The following EPHA4 variants were observed in gnomAD, a reference collection of about 807,000 sequenced individuals.
The protein encoded by EPHA4 is EPH receptor A4.
EPHA4 carries 19 observed loss-of-function variants against 108.3 expected under a neutral mutation model. That is an observed-to-expected ratio of 0.18 (90% CI 0.12 to 0.26). The LOEUF (loss-of-function observed/expected upper bound fraction) is 0.26. Among genes scored for constraint, EPHA4 ranks in the 10% least tolerant of loss-of-function variants. The probability of loss-of-function intolerance (pLI) is 1.00; values close to 1 mark genes in which losing one functional copy is unlikely to be tolerated. For missense variants in EPHA4, 917 were observed against 1,254.0 expected (o/e 0.73, Z 4.06); for synonymous variants, 449 against 455.5 (o/e 0.99, Z 0.18).
intron 3 of EPHA4, among the ~76,000 whole-genome samples, chr2:221,513,680 A>T (rs981488086): frequency 6.6e-6 from 1 of 152,202 alleles, no homozygotes; most frequent in African/African-American, 2.4e-5. Flanking sequence ...ATTTTCTGAA[A>T]GTTTTTGAGC....
At chr2:221,452,203 A>T (rs1690808122) in intron 8 of EPHA4, among the ~76,000 whole-genome samples, 1 of 152,228 alleles carries the variant, frequency 6.6e-6, no homozygotes, top group African/African-American at 2.4e-5. Context: ...CCCATAAGGG[A>T]TCTATCTGTA....
At chr2:221,436,200 G>T (rs891398575) in intron 13 of EPHA4, among the ~76,000 whole-genome samples, 199 bp downstream of exon 13, 11 of 152,072 alleles carry the variant, frequency 7.2e-5, no homozygotes, top group Non-Finnish European at 1.2e-4. Context: ...CTGTTAATAT[G>T]GTCATACATC....
intron 8 of EPHA4, among the ~76,000 whole-genome samples, chr2:221,455,346 G>A (rs3815970): frequency 0.38 from 57,841 of 151,662 alleles, 13,169 homozygotes; most frequent in South Asian, 0.55. Context: ...GGGTCCTTCC[G>A]GACCTCTCAG....
rs1374756921 is a variant in EPHA4 at position 221,482,510 on chromosome 2, G to T, written c.1160C>A (p.Thr387Asn). ...GGTCTTCAAGCCATTCTGCTGTGGG[G>T]TGTAGTGGACCCCACTTCCACAGGG... ...CRPCGSGVHY[T>N]PQQNGLKTTK... The change falls in exon 5 of 18, where the codon ACC (threonine) becomes AAC (asparagine). Residue 387 changes from threonine (T) to asparagine (N), a missense_variant. This residue lies in a region of EPHA4 where 758 missense variants were observed against 1,076.7 expected (regional missense o/e 0.70). Transcript: ENST00000281821. 4 of 1,613,976 alleles carry T rather than the reference G, an allele frequency of 2.5e-6. No homozygotes were observed. The African/African-American group carries it at 5.3e-5, about 22-fold the overall frequency.
intron 5 of EPHA4, among the ~76,000 whole-genome samples, chr2:221,461,153 C>T (rs941124224): frequency 6.6e-5 from 10 of 152,158 alleles, no homozygotes; most frequent in African/African-American, 2.4e-4. Context: ...CCTTGGAGTA[C>T]TCAGAATTAC....
chr2:221,546,947 A>C (rs1026514913), intron 3 of EPHA4, among the ~76,000 whole-genome samples: 3 of 152,224 alleles, frequency 2.0e-5, no homozygotes, highest in Admixed American at 2.0e-4. Flanking sequence ...AGGCTAAAAA[A>C]ATAAAAGGGG....
rs769949889 is a variant in EPHA4 at position 221,564,228 on chromosome 2, T to C, written c.326A>G (p.Asn109Ser). The change falls in exon 3 of 18, where the codon AAT (asparagine) becomes AGT (serine). Residue 109 changes from asparagine to serine, a missense_variant. Physicochemically the swap from Asn to Ser is conservative, Grantham distance 46 (BLOSUM62 1). This residue lies in a region of EPHA4 where 758 missense variants were observed against 1,076.7 expected (regional missense o/e 0.70). Coordinates refer to ENST00000281821, the MANE Select transcript of EPHA4 (RefSeq NM_004438.5). ...AGTCCCCATGACGCCCGGAAGACTATTGCAGTCCCTCAAGGTGAATTTAAT... is the reference window on the plus strand; with the variant it reads ...AGTCCCCATGACGCCCGGAAGACTACTGCAGTCCCTCAAGGTGAATTTAAT... The part of the protein sequence containing the change: ...IEIKFTLRDC[N>S]SLPGVMGTCK... 1.5e-5 allele frequency: 25 copies of C among 1,614,082 alleles called. No homozygotes were observed. The highest frequency in any genetic ancestry group is 5.5e-5 in the South Asian group (5 of 91,080).
At chr2:221,538,370 A>G (rs1213864346) in intron 3 of EPHA4, among the ~76,000 whole-genome samples, 1 of 152,230 alleles carries the variant, frequency 6.6e-6, no homozygotes, top group Non-Finnish European at 1.5e-5. Context: ...TATATCAATG[A>G]CATGCAATGA....
chr2:221,533,089 TA>T lies in EPHA4; in HGVS notation c.823+30641del, dbSNP rs563171835. Reference sequence around the variant, plus strand: ...GAGATGATTAAAAGAGAAAGGTAAATAAAGAACAACAACAATGAAAAATTGC... The same window carrying T: ...GAGATGATTAAAAGAGAAAGGTAAATAAGAACAACAACAATGAAAAATTGC... On this transcript the variant is annotated intron_variant, in intron 3 of 17. Transcript: ENST00000281821. The T allele has an allele frequency of 8.8e-4, 134 of 152,248 alleles. 1 individual carries two copies. The highest frequency in any genetic ancestry group is 3.1e-3 in the African/African-American group (130 of 41,534). The allele number at this position is 152,248 out of a possible 1,614,324, so 9.4% of individuals were successfully genotyped here.
chr2:221,460,596 T>G (rs1691108331), intron 5 of EPHA4, among the ~76,000 whole-genome samples: 1 of 152,316 alleles, frequency 6.6e-6, no homozygotes, highest in Admixed American at 6.5e-5. Flanking sequence ...AAGAAGGAGT[T>G]TGAGAAAATC....
chr2:221,435,406 T>C (rs1643014102), intron 13 of EPHA4, among the ~76,000 whole-genome samples: 1 of 124,320 alleles, frequency 8.0e-6, no homozygotes, highest in Non-Finnish European at 1.8e-5. Context: ...CGAATGGACT[T>C]GGAATTCAAA....
chr2:221,553,525 C>A (rs1246248809), intron 3 of EPHA4, among the ~76,000 whole-genome samples: 1 of 152,180 alleles, frequency 6.6e-6, no homozygotes, highest in Non-Finnish European at 1.5e-5. Context: ...CCCCTCAGAT[C>A]TGAAGCAGAC....
intron 3 of EPHA4, among the ~76,000 whole-genome samples, chr2:221,549,508 G>A (rs767524394): frequency 2.0e-5 from 3 of 152,188 alleles, no homozygotes; most frequent in Non-Finnish European, 4.4e-5. Context: ...CAGAGAGGCT[G>A]CATCCACATT....
intron 3 of EPHA4, among the ~76,000 whole-genome samples, chr2:221,515,767 T>A (rs897314299): frequency 6.6e-6 from 1 of 152,092 alleles, no homozygotes; most frequent in African/African-American, 2.4e-5. Flanking sequence ...CAGTGAGCCG[T>A]GATTGTGCCA....
chr2:221,521,721 T>A (rs1166941674), intron 3 of EPHA4, among the ~76,000 whole-genome samples: 1 of 152,074 alleles, frequency 6.6e-6, no homozygotes, highest in Non-Finnish European at 1.5e-5. Flanking sequence ...ACACCTATAA[T>A]CTCAGCGTTT....
chr2:221,503,396 GACT>G (rs78830605), intron 3 of EPHA4, among the ~76,000 whole-genome samples: 2,426 of 152,270 alleles, frequency 0.016, 58 homozygotes, highest in East Asian at 0.076. Context: ...ATTCTGATAA[GACT>G]ACTTCCAGCT....
intron 3 of EPHA4, among the ~76,000 whole-genome samples, chr2:221,501,941 A>T (rs1692501039): frequency 6.6e-6 from 1 of 152,140 alleles, no homozygotes; most frequent in African/African-American, 2.4e-5. Flanking sequence ...TCAAGTTCAT[A>T]AAACCCTCCT....
intron 3 of EPHA4, among the ~76,000 whole-genome samples, chr2:221,541,956 G>GA (rs776173678): frequency 2.6e-5 from 4 of 151,838 alleles, no homozygotes; most frequent in Non-Finnish European, 5.9e-5. Flanking sequence ...AAAATAAATA[G>GA]AAAAAAATCA....
At chr2:221,568,927 G>A (rs911520658) in intron 1 of EPHA4, 142 bp from the exon 2 acceptor site, 11 of 547,610 alleles carry the variant, frequency 2.0e-5, no homozygotes, top group Admixed American at 1.0e-4. Flanking sequence ...GCTCACTTAT[G>A]TAAATAATCA....
Sources: allele counts gnomAD v4.1 joint callset (sites outside exome capture counted in the v4.1 genomes callset), GRCh38; gene constraint gnomAD v4.1.1; regional missense constraint gnomAD v4.1.1; transcripts MANE v1.5; gene names NCBI Gene and HGNC (gene_info 2026-07-23, HGNC 2026-07-21).